The following STK17B variants were observed in gnomAD, a reference collection of about 807,000 sequenced individuals.
The protein encoded by STK17B is serine/threonine-protein kinase 17B.
In STK17B, 21 loss-of-function variants were observed where a neutral mutation model predicts 42.0. That is an observed-to-expected ratio of 0.50 (90% CI 0.35 to 0.72). STK17B has a LOEUF of 0.72. STK17B is among the 30% of genes least tolerant of loss of function. The pLI is 0.00. For synonymous variants in STK17B, 143 were observed against 148.4 expected (o/e 0.96, Z 0.26); for missense variants, 349 against 446.0 (o/e 0.78, Z 1.96).
chr2:196,162,589 G>A (rs889361103), intron 2 of STK17B, among the ~76,000 whole-genome samples: 1 of 151,988 alleles, frequency 6.6e-6, no homozygotes, highest in Non-Finnish European at 1.5e-5. Flanking sequence ...TTCAGATGAG[G>A]AAACGACAGC....
At chr2:196,174,071 C>T (rs1246057347), upstream of STK17B, among the ~76,000 whole-genome samples, 1 of 152,190 alleles carries the variant, frequency 6.6e-6, no homozygotes, top group Non-Finnish European at 1.5e-5. Flanking sequence ...GAAACAAGAC[C>T]TGCTGATATC....
intron 3 of STK17B, among the ~76,000 whole-genome samples, chr2:196,150,551 T>A (rs1053151193): frequency 6.6e-6 from 1 of 152,302 alleles, no homozygotes; most frequent in Non-Finnish European, 1.5e-5. Context: ...AGTTAATACA[T>A]GAAAGATTAA....
intron 1 of STK17B, among the ~76,000 whole-genome samples, chr2:196,167,194 G>T (rs1002572572): frequency 6.6e-6 from 1 of 152,272 alleles, no homozygotes; most frequent in East Asian, 1.9e-4. Flanking sequence ...TGATTTAAAG[G>T]CTTCTCCTTT....
At chr2:196,141,402 G>C in intron 5 of STK17B, 105 bp from the exon 6 acceptor site, 1 of 875,068 alleles carries the variant, frequency 1.1e-6, no homozygotes, top group Non-Finnish European at 1.8e-6. Context: ...GCTCATGCCT[G>C]TAATCTCAGC....
chr2:196,137,774 G>T, intron 7 of STK17B, 45 bp from the exon 8 acceptor site: 1 of 1,563,708 alleles, frequency 6.4e-7, no homozygotes. Flanking sequence ...TAAAAATCAA[G>T]TTGAAAATGT....
At chr2:196,151,096 TTTAC>T (rs1029832877) in intron 3 of STK17B, among the ~76,000 whole-genome samples, 2 of 152,208 alleles carry the variant, frequency 1.3e-5, no homozygotes, top group African/African-American at 2.4e-5. Flanking sequence ...GTACTTAATA[TTTAC>T]TTAGAGATGT....
rs374133460 is a variant in STK17B at position 196,139,295 on chromosome 2, TA to T, written c.836+324del. Among the ~76,000 whole-genome samples, 653 of 152,316 alleles carry T rather than the reference TA, an allele frequency of 4.3e-3. 3 individuals carry two copies. Among genetic ancestry groups the T allele is most frequent in the African/African-American group, 0.014 (594 of 41,560 alleles). On this transcript the variant is annotated intron_variant, in intron 7 of 7. Coordinates refer to ENST00000263955, the MANE Select transcript of STK17B (RefSeq NM_004226.4). ...TCATTAAACTGTAAATCATTTACAA[TA>T]AAGTCTTATCATAACCAGCCATGTG... is the stretch of plus-strand genomic sequence containing the variant.
chr2:196,143,365 C>T (rs1699520013), intron 5 of STK17B, among the ~76,000 whole-genome samples, 195 bp downstream of exon 5: 2 of 148,914 alleles, frequency 1.3e-5, no homozygotes, highest in Non-Finnish European at 3.0e-5. Context: ...CCCTGAATTG[C>T]TGTAAATGTT....
intron 4 of STK17B, among the ~76,000 whole-genome samples, 172 bp from the exon 5 acceptor site, chr2:196,143,858 T>A (rs1173638578): frequency 6.6e-6 from 1 of 152,192 alleles, no homozygotes; most frequent in East Asian, 1.9e-4. Flanking sequence ...CAATGATGCA[T>A]AAAGCCAAAA....
Position 196,137,397 on chromosome 2 carries a change from A to C in STK17B, c.*50T>G, listed in dbSNP as rs1367933636. The stretch of plus-strand genomic sequence containing the variant: ...AAGCTACAAATCATAATCTCACTGG[A>C]GTGGATATAAAATTTCAAATTCAGT... On this transcript the variant is annotated 3_prime_UTR_variant, in exon 8 of 8. Coordinates refer to ENST00000263955, the MANE Select transcript of STK17B (RefSeq NM_004226.4). 6.4e-7 allele frequency: 1 copy of C among 1,557,922 alleles called. No individual in the cohort carries two copies. The highest frequency in any genetic ancestry group is 1.4e-5 in the African/African-American group (1 of 73,088).
intron 3 of STK17B, chr2:196,151,533 AG>A (rs538280292): frequency 1.3e-5 from 2 of 152,316 alleles, no homozygotes; most frequent in East Asian, 3.9e-4. Flanking sequence ...GTCCAGCCAA[AG>A]GTAAGTATTT....
At chr2:196,143,536 T>A (rs953868173) in intron 5 of STK17B, 24 bp downstream of exon 5, 2 of 1,581,222 alleles carry the variant, frequency 1.3e-6, no homozygotes, top group African/African-American at 1.4e-5. Flanking sequence ...CAAAATGGTA[T>A]AGAAAATAAA....
chr2:196,154,043 T>C (rs1699704270), intron 3 of STK17B: 1 of 152,068 alleles, frequency 6.6e-6, no homozygotes, highest in Non-Finnish European at 1.5e-5. Flanking sequence ...CAAGACATAT[T>C]GGCCAACATG....
chr2:196,139,672 C>G lies in STK17B; in HGVS notation c.784G>C (p.Val262Leu). The G allele has an allele frequency of 6.8e-7, 1 of 1,467,046 alleles. No homozygotes were observed. Among genetic ancestry groups the G allele is most frequent in the Non-Finnish European group, 9.0e-7 (1 of 1,105,616 alleles). The allele number at this position is 1,467,046 out of a possible 1,614,324, so 90.9% of individuals were successfully genotyped here. A position where few individuals can be genotyped will look rare whatever the true frequency, so the allele number is the denominator to read the frequency against. Residue 262 changes from valine to leucine, a missense_variant, in exon 7 of 8, where the codon GTT (valine) becomes CTT (leucine). Val to Leu is a conservative substitution (Grantham distance 32, BLOSUM62 1). Coordinates refer to ENST00000263955, the MANE Select transcript of STK17B (RefSeq NM_004226.4). ...ATAAAGTCTGTGGCCAGCTGTGAAACTGATGAAAAAGTTTCTTCCGAATAA... is the reference window on the plus strand; with the variant it reads ...ATAAAGTCTGTGGCCAGCTGTGAAAGTGATGAAAAAGTTTCTTCCGAATAA... Reference protein sequence around the residue: ...VDYSEETFSSVSQLATDFIQS... With the variant: ...VDYSEETFSSLSQLATDFIQS...
intron 2 of STK17B, among the ~76,000 whole-genome samples, chr2:196,158,360 C>A (rs543651895): frequency 3.3e-5 from 5 of 152,190 alleles, no homozygotes; most frequent in Non-Finnish European, 7.3e-5. Context: ...TATAATTTGA[C>A]TCTTCTACAT....
intron 3 of STK17B, chr2:196,154,414 G>C (rs1019018848): frequency 2.0e-5 from 3 of 152,190 alleles, no homozygotes; most frequent in Non-Finnish European, 4.4e-5. Context: ...ATTGCCACCT[G>C]ATGTGATACA....
intron 7 of STK17B, among the ~76,000 whole-genome samples, chr2:196,137,997 C>T (rs928998345): frequency 6.6e-6 from 1 of 152,074 alleles, no homozygotes; most frequent in Admixed American, 6.6e-5. Context: ...ACTATTATTA[C>T]CCTCATTTAA....
At chr2:196,151,741 C>T (rs1699668960) in intron 3 of STK17B, among the ~76,000 whole-genome samples, 1 of 152,080 alleles carries the variant, frequency 6.6e-6, no homozygotes, top group South Asian at 2.1e-4. Flanking sequence ...GATGGAATGA[C>T]TCAATTATCC....
At chr2:196,140,643 C>A (rs779899330) in intron 6 of STK17B, among the ~76,000 whole-genome samples, 1 of 138,286 alleles carries the variant, frequency 7.2e-6, no homozygotes, top group Non-Finnish European at 1.5e-5. Flanking sequence ...TGGCTCACTG[C>A]AACCTCTGCC....
Sources: gnomAD v4.1 joint callset for allele counts (sites outside exome capture counted in the v4.1 genomes callset) on GRCh38, gnomAD v4.1.1 for gene constraint, MANE v1.5 for transcripts, NCBI Gene and HGNC (gene_info 2026-07-23, HGNC 2026-07-21) for gene names.